EPB41: variants seen among roughly 807,000 people sequenced by gnomAD.
The protein encoded by EPB41 is erythrocyte membrane protein band 4.1.
Under a neutral mutation model 108.0 loss-of-function variants are expected in EPB41, and 65 were observed. The ratio of observed to expected loss-of-function variants is 0.60; its 90% confidence interval spans 0.49 to 0.74. The LOEUF is 0.74. EPB41 is among the 30% of genes least tolerant of loss of function. EPB41 has a pLI of 0.00. For missense variants in EPB41, 875 were observed against 1,037.0 expected (o/e 0.84, Z 2.15); for synonymous variants, 336 against 358.9 (o/e 0.94, Z 0.72).
intron 11 of EPB41, among the ~76,000 whole-genome samples, chr1:29,046,288 C>T (rs915325965): frequency 3.0e-4 from 45 of 151,906 alleles, no homozygotes; most frequent in African/African-American, 9.4e-4. Flanking sequence ...CCACCATGCC[C>T]GGCTAATTTT....
chr1:28,892,804 T>C (rs989449033), intron 1 of EPB41, among the ~76,000 whole-genome samples: 26 of 143,472 alleles, frequency 1.8e-4, no homozygotes, highest in South Asian at 4.5e-4. Flanking sequence ...GTTCTTTTTT[T>C]TTTTTTTTTT....
At chr1:29,036,002 T>G in intron 10 of EPB41, 79 bp downstream of exon 10, 1 of 1,082,946 alleles carries the variant, frequency 9.2e-7, no homozygotes, top group Non-Finnish European at 1.4e-6. Flanking sequence ...TAAAATTCCT[T>G]TCATTGTATG....
intron 11 of EPB41, among the ~76,000 whole-genome samples, chr1:29,051,089 T>G (rs12756638): frequency 1.7e-4 from 1 of 6,014 alleles, no homozygotes; most frequent in African/African-American, 1.8e-3. Context: ...TCTTTTTCTG[T>G]TTTTTTTTTT....
At chr1:29,019,369 G>A (rs1412314786) in intron 7 of EPB41, among the ~76,000 whole-genome samples, 1 of 152,196 alleles carries the variant, frequency 6.6e-6, no homozygotes, top group Non-Finnish European at 1.5e-5. Flanking sequence ...ATTGAAAGGT[G>A]ATGTGTGTAA....
chr1:28,919,937 T>C (rs2092954966), intron 1 of EPB41, among the ~76,000 whole-genome samples: 1 of 152,254 alleles, frequency 6.6e-6, no homozygotes, highest in South Asian at 2.1e-4. Context: ...ATTGAATTGC[T>C]GCTCTCCCTC....
intron 1 of EPB41, among the ~76,000 whole-genome samples, chr1:28,962,650 C>T (rs889087328): frequency 6.6e-6 from 1 of 151,892 alleles, no homozygotes; most frequent in African/African-American, 2.4e-5. Flanking sequence ...AACTTTCTGT[C>T]TCTGGATTTG....
chr1:28,974,704 A>T (rs1312205868), intron 1 of EPB41, among the ~76,000 whole-genome samples: 1 of 152,198 alleles, frequency 6.6e-6, no homozygotes, highest in African/African-American at 2.4e-5. Flanking sequence ...GGAACAGGAA[A>T]AACAGAATTA....
intron 19 of EPB41, among the ~76,000 whole-genome samples, chr1:29,113,669 T>C (rs569371734): frequency 6.6e-6 from 1 of 152,360 alleles, no homozygotes; most frequent in African/African-American, 2.4e-5. Context: ...TTATATGTCC[T>C]TGAGCAACTT....
At chr1:28,935,695 C>T (rs2093993374) in intron 1 of EPB41, among the ~76,000 whole-genome samples, 1 of 151,810 alleles carries the variant, frequency 6.6e-6, no homozygotes. Context: ...CTGAGGCAGG[C>T]AGACCATGCG....
At chr1:28,947,411 A>AG (rs2094526710) in intron 1 of EPB41, among the ~76,000 whole-genome samples, 2 of 5,574 alleles carry the variant, frequency 3.6e-4, no homozygotes, top group Non-Finnish European at 5.5e-4. Context: ...CGTCTCAGAC[A>AG]AACAAACAAA....
chr1:28,917,530 C>T (rs552436379), intron 1 of EPB41, among the ~76,000 whole-genome samples: 3 of 151,878 alleles, frequency 2.0e-5, no homozygotes, highest in South Asian at 2.1e-4. Context: ...CCACCCGCCT[C>T]GGCCTTCCAA....
At chr1:29,038,750 G>A (rs1182527174) in intron 10 of EPB41, among the ~76,000 whole-genome samples, 3 of 152,190 alleles carry the variant, frequency 2.0e-5, no homozygotes, top group African/African-American at 7.2e-5. Context: ...AAAAGATGGG[G>A]TTCCCAACTG....
chr1:28,970,459 A>G (rs1276882352), intron 1 of EPB41, among the ~76,000 whole-genome samples: 1 of 152,210 alleles, frequency 6.6e-6, no homozygotes, highest in African/African-American at 2.4e-5. Context: ...TCTTAACTAA[A>G]ACCCCTTTGT....
rs896647766 is a variant in EPB41, at chr1:29,033,325, A to G, written c.1365+80A>G. 1.4e-5 allele frequency: 22 copies of G among 1,532,976 alleles called. No homozygotes were observed. In the Admixed American group the frequency reaches 1.9e-4, roughly 13 times the overall value. 95.0% of individuals were successfully genotyped at this position (1,532,976 alleles called of 1,614,324 possible). A position where few individuals can be genotyped will look rare whatever the true frequency, so the allele number is the denominator to read the frequency against. On this transcript the variant is annotated intron_variant, in intron 9 of 20. Coordinates refer to ENST00000343067, the MANE Select transcript of EPB41 (RefSeq NM_001376013.1). ...ATCTACATTTCCATTTTCCTTATTA[A>G]GTCATCTGAGAAGTCTCTCTATAGT... is the stretch of plus-strand genomic sequence containing the variant.
chr1:29,041,914 G>A (rs1029169767), intron 11 of EPB41, among the ~76,000 whole-genome samples: 1 of 152,264 alleles, frequency 6.6e-6, no homozygotes, highest in East Asian at 1.9e-4. Context: ...AAATGAGGTG[G>A]CATATGTATG....
chr1:29,106,832 A>G (rs1667364018), intron 17 of EPB41, among the ~76,000 whole-genome samples: 1 of 150,478 alleles, frequency 6.6e-6, no homozygotes, highest in South Asian at 2.1e-4. Flanking sequence ...TGGCCTCCCA[A>G]AGTGCTGGGA....
chr1:29,023,900 A>G lies in EPB41; in HGVS notation c.1124+5458A>G, dbSNP rs534954209. Among the ~76,000 whole-genome samples, 61 of 151,944 alleles carry G rather than the reference A, an allele frequency of 4.0e-4. 1 individual carries two copies. The highest frequency in any genetic ancestry group is 7.2e-4 in the Non-Finnish European group (49 of 68,026). ...TTAACTGTGTGCCTCTTGGTAAGTT[A>G]CTTAAGCTCTCTAAGCTTCAGTTTT... is the stretch of plus-strand genomic sequence containing the variant. On this transcript the variant is annotated intron_variant, in intron 7 of 20. Coordinates refer to ENST00000343067, the MANE Select transcript of EPB41 (RefSeq NM_001376013.1).
chr1:28,894,343 T>A (rs770893056), intron 1 of EPB41, among the ~76,000 whole-genome samples: 3 of 152,230 alleles, frequency 2.0e-5, no homozygotes, highest in Non-Finnish European at 4.4e-5. Context: ...TACCTATCAA[T>A]GTGCTTTGTA....
rs573677714 is a variant in EPB41, at chr1:28,926,668, A to G, written c.-8+11900A>G. On this transcript the variant is annotated intron_variant, in intron 1 of 20. Transcript: ENST00000343067. ...TCACATTGCAGATAATCTATAGAAT[A>G]ACTAATAAAAACAAACCTTGTAGTG... Among the ~76,000 whole-genome samples the G allele has an allele frequency of 1.7e-3, 257 of 152,344 alleles. 4 individuals carry two copies. In the South Asian group the frequency reaches 0.051, roughly 30 times the overall value.
Sources: allele counts gnomAD v4.1 joint callset (sites outside exome capture counted in the v4.1 genomes callset), GRCh38; gene constraint gnomAD v4.1.1; transcripts MANE v1.5; gene names NCBI Gene and HGNC (gene_info 2026-07-23, HGNC 2026-07-21).